PPP2R3C: variants seen among roughly 807,000 people sequenced by gnomAD.
The protein encoded by PPP2R3C is serine/threonine-protein phosphatase 2A regulatory subunit B'' subunit gamma.
PPP2R3C carries 47 observed loss-of-function variants against 63.7 expected under a neutral mutation model. The observed-to-expected ratio is 0.74, with a 90% confidence interval of 0.58 to 0.94. The LOEUF (loss-of-function observed/expected upper bound fraction) is 0.94. PPP2R3C is among the 40% of genes least tolerant of loss of function. PPP2R3C has a pLI of 0.00. For synonymous variants in PPP2R3C, 180 were observed against 177.4 expected (o/e 1.01, Z -0.12); for missense variants, 421 against 518.4 (o/e 0.81, Z 1.82).
intron 5 of PPP2R3C, chr14:35,107,605 A>G (rs1012929978): frequency 2.0e-6 from 1 of 490,220 alleles, no homozygotes; most frequent in African/African-American, 1.9e-5. Context: ...TTTACCAATT[A>G]AACTTGGTGT....
intron 11 of PPP2R3C, among the ~76,000 whole-genome samples, chr14:35,090,355 C>T (rs1319670721): frequency 6.6e-6 from 1 of 150,904 alleles, no homozygotes; most frequent in Non-Finnish European, 1.5e-5. Context: ...GATTCTCCTG[C>T]CTCAGCCTCC....
chr14:35,098,179 A>AT (rs552604039), intron 7 of PPP2R3C, among the ~76,000 whole-genome samples: 23,567 of 133,394 alleles, frequency 0.18, 2,273 homozygotes, highest in East Asian at 0.36. Flanking sequence ...TCATAACTGG[A>AT]TTTTTTTTTT....
intron 6 of PPP2R3C, among the ~76,000 whole-genome samples, chr14:35,104,458 G>A (rs2046286909): frequency 6.6e-6 from 1 of 152,066 alleles, no homozygotes; most frequent in Non-Finnish European, 1.5e-5. Context: ...AATTAACCTA[G>A]TTTATATTCA....
At position 35,089,958 on chromosome 14, in the gene PPP2R3C, A is replaced by G. The variant is rs532005703; in HGVS notation, c.1113+1112T>C. 2.0e-3 allele frequency among the ~76,000 whole-genome samples: 303 copies of G among 151,294 alleles called. 1 individual carries two copies. Among genetic ancestry groups the G allele is most frequent in the African/African-American group, 6.7e-3 (276 of 41,418 alleles). On this transcript the variant is annotated intron_variant, in intron 11 of 12. Coordinates refer to ENST00000261475, the MANE Select transcript of PPP2R3C (RefSeq NM_017917.4). ...GGGATTACAGGCATGAGCCACCGCA[A>G]CCCGGCCGATTTTTAAATTTAATAA...
chr14:35,089,552 C>A (rs570489132), intron 11 of PPP2R3C, among the ~76,000 whole-genome samples: 1 of 152,282 alleles, frequency 6.6e-6, no homozygotes, highest in East Asian at 1.9e-4. Context: ...TGGGGTTTCC[C>A]TGTGTTGCCC....
intron 4 of PPP2R3C, among the ~76,000 whole-genome samples, chr14:35,109,591 C>T (rs79436302): frequency 0.18 from 27,002 of 151,690 alleles, 2,564 homozygotes; most frequent in East Asian, 0.37. Context: ...CCTCAGCCTC[C>T]GGAGTAGCTA....
chr14:35,100,943 TA>T (rs1410004961), intron 6 of PPP2R3C: 1 of 152,166 alleles, frequency 6.6e-6, no homozygotes, highest in Non-Finnish European at 1.5e-5. Context: ...TATTCCTTTT[TA>T]AAAAATTTTT....
chr14:35,110,773 C>T lies in PPP2R3C; in HGVS notation c.187-144G>A, dbSNP rs1378400097. ...TTAATTGTGCTTAACATTTGTTTAA[C>T]AAAAACTGATCCACAGAGAATCGGT... On this transcript the variant is annotated intron_variant, in intron 2 of 12. Transcript: ENST00000261475. 1.0e-5 allele frequency: 6 copies of T among 585,482 alleles called. No individual in the cohort carries two copies. In the East Asian group the frequency reaches 1.8e-4, roughly 17 times the overall value. 36.3% of individuals were successfully genotyped at this position (585,482 alleles called of 1,614,324 possible). A position where few individuals can be genotyped will look rare whatever the true frequency, so the allele number is the denominator to read the frequency against.
Position 35,111,736 on chromosome 14 carries a change from C to T in PPP2R3C, c.187-1107G>A, listed in dbSNP as rs149358042. ...TACCCAATGGCCCCTCTCAGACCAG[C>T]CACTCCTCTGTGGCCCCAACCCAGA... On this transcript the variant is annotated intron_variant, in intron 2 of 12. Coordinates refer to ENST00000261475, the MANE Select transcript of PPP2R3C (RefSeq NM_017917.4). Among the ~76,000 whole-genome samples, 413 of 152,282 alleles carry T rather than the reference C, an allele frequency of 2.7e-3. 1 individual carries two copies. The highest frequency in any genetic ancestry group is 5.0e-3 in the Admixed American group (76 of 15,286).
At position 35,116,627 on chromosome 14, in the gene PPP2R3C, G is replaced by T; in HGVS notation, c.169C>A (p.Pro57Thr). The T allele has an allele frequency of 1.9e-6, 3 of 1,592,836 alleles. No individual in the cohort carries two copies. Among genetic ancestry groups the T allele is most frequent in the Non-Finnish European group, 1.7e-6 (2 of 1,168,220 alleles). ...KNTNEFYKTI[P>T]RFYYRLPAED... ...CTACTTACCCTATAATAAAACCGGG[G>T]AATGGTCTTATAGAATTCATTTGTG... The change falls in exon 2 of 13, where the codon CCC becomes ACC. Residue 57 changes from proline (P) to threonine (T), a missense_variant. By Grantham distance (38) the Pro-to-Thr change is conservative (BLOSUM62 -1). Around this residue, in one of 3 missense-constraint regions of PPP2R3C, gnomAD observed 143 missense variants for 151.2 expected, o/e 0.95. Transcript: ENST00000261475.
chr14:35,098,605 C>A (rs2046084139), intron 7 of PPP2R3C: 1 of 151,840 alleles, frequency 6.6e-6, no homozygotes, highest in Non-Finnish European at 1.5e-5. Flanking sequence ...CAACTCAGCC[C>A]CCCAGAGTGC....
upstream of PPP2R3C, chr14:35,122,061 G>A (rs2046923876): frequency 3.2e-5 from 41 of 1,296,768 alleles, no homozygotes; most frequent in Non-Finnish European, 4.2e-5. Flanking sequence ...AGGTTAGGAA[G>A]GCCGTCCAAC....
chr14:35,091,455 C>T (rs1480174145), intron 10 of PPP2R3C, among the ~76,000 whole-genome samples: 2 of 152,088 alleles, frequency 1.3e-5, no homozygotes, highest in Non-Finnish European at 2.9e-5. Flanking sequence ...ACAACCTCCA[C>T]CTCCCGGGTT....
chr14:35,116,763 G>C (rs185634503), intron 1 of PPP2R3C, 26 bp from the exon 2 acceptor site: 4 of 1,523,914 alleles, frequency 2.6e-6, no homozygotes, highest in Non-Finnish European at 2.7e-6. Flanking sequence ...ATTAAGGGGA[G>C]CACTTTTAAA....
At chr14:35,088,593 T>C (rs1229114528) in intron 11 of PPP2R3C, among the ~76,000 whole-genome samples, 3 of 152,362 alleles carry the variant, frequency 2.0e-5, no homozygotes, top group Admixed American at 6.5e-5. Context: ...TTTCAAATTC[T>C]TGGTGAACAG....
intron 7 of PPP2R3C, among the ~76,000 whole-genome samples, chr14:35,097,073 G>C (rs979516541): frequency 4.6e-5 from 7 of 152,060 alleles, no homozygotes; most frequent in African/African-American, 1.7e-4. Flanking sequence ...AAATTAGCTG[G>C]GTGTGGTGGA....
At chr14:35,087,859 A>T in intron 12 of PPP2R3C, 92 bp downstream of exon 12, 2 of 951,160 alleles carry the variant, frequency 2.1e-6, no homozygotes, top group Non-Finnish European at 3.3e-6. Context: ...TTCAAATAGT[A>T]CTTCATTAGT....
At chr14:35,118,690 G>T (rs1193786374) in intron 1 of PPP2R3C, among the ~76,000 whole-genome samples, 1 of 102,966 alleles carries the variant, frequency 9.7e-6, no homozygotes, top group African/African-American at 3.7e-5. Flanking sequence ...GAGTCTCACT[G>T]TCACCCAGGC....
At chr14:35,090,197 C>T (rs2045754940) in intron 11 of PPP2R3C, among the ~76,000 whole-genome samples, 1 of 150,738 alleles carries the variant, frequency 6.6e-6, no homozygotes, top group South Asian at 2.1e-4. Context: ...GAAAAGGTAG[C>T]TCCTTTCCAC....
Sources: allele counts gnomAD v4.1 joint callset (sites outside exome capture counted in the v4.1 genomes callset), GRCh38; gene constraint gnomAD v4.1.1; regional missense constraint gnomAD v4.1.1; transcripts MANE v1.5; gene names NCBI Gene and HGNC (gene_info 2026-07-23, HGNC 2026-07-21).